The following KIAA0930 variants were observed in gnomAD, a reference collection of about 807,000 sequenced individuals.
KIAA0930 encodes KIAA0930, also known as uncharacterized protein KIAA0930.
In KIAA0930, 24 loss-of-function variants were observed where a neutral mutation model predicts 43.9. The observed-to-expected ratio is 0.55, with a 90% CI of 0.40 to 0.77. KIAA0930 has a LOEUF of 0.77. KIAA0930 is among the 30% of genes least tolerant of loss of function. The pLI, the probability that KIAA0930 is intolerant of heterozygous loss-of-function variation, is 0.00. For synonymous variants in KIAA0930, 259 were observed against 216.4 expected (o/e 1.20, Z -1.73); for missense variants, 461 against 574.2 (o/e 0.80, Z 2.02).
chr22:45,230,045 G>A (rs573685329), intron 1 of KIAA0930, among the ~76,000 whole-genome samples: 202 of 152,312 alleles, frequency 1.3e-3, no homozygotes, highest in Non-Finnish European at 2.5e-3. Flanking sequence ...GCAGTGAGCC[G>A]AGATTATGCC....
At chr22:45,213,012 G>A (rs1167952414) in intron 1 of KIAA0930, among the ~76,000 whole-genome samples, 1 of 152,162 alleles carries the variant, frequency 6.6e-6, no homozygotes, top group East Asian at 1.9e-4. Context: ...TTTGTTTTCT[G>A]TCTTCCTCAC....
intron 1 of KIAA0930, among the ~76,000 whole-genome samples, chr22:45,217,072 T>C (rs1000564552): frequency 3.9e-5 from 6 of 152,150 alleles, no homozygotes; most frequent in African/African-American, 1.4e-4. Context: ...CAAGACACTT[T>C]ATTTAAGGCC....
intron 1 of KIAA0930, among the ~76,000 whole-genome samples, chr22:45,230,863 AGCCACGTC>A (rs1157373663): frequency 6.6e-6 from 1 of 150,676 alleles, no homozygotes; most frequent in Non-Finnish European, 1.5e-5. Context: ...TACAGGCGTG[AGCCACGTC>A]GCCCAGCCCA....
chr22:45,196,900 G>A lies in KIAA0930; in HGVS notation c.*276C>T. 2.2e-6 allele frequency: 1 copy of A among 451,166 alleles called. No homozygotes were observed. Among genetic ancestry groups the A allele is most frequent in the Non-Finnish European group, 3.9e-6 (1 of 254,844 alleles). 27.9% of individuals were successfully genotyped at this position (451,166 alleles called of 1,614,324 possible). On this transcript the variant is annotated 3_prime_UTR_variant, in exon 10 of 10. Coordinates refer to ENST00000336156, the MANE Select transcript of KIAA0930 (RefSeq NM_001009880.2). This position sits in a 1 kb window ranked among gnomAD's most constrained non-coding sequence, Gnocchi z 4.1. ...CTCTCATGGCCGCTCGGCATCTCTA[G>A]TCCTCTTTGGGTGCAGAGGGCTCTC... is the stretch of plus-strand genomic sequence containing the variant.
rs569372602 is a variant in KIAA0930 at position 45,237,259 on chromosome 22, T to G, written c.64+3381A>C. ...TCCGGGCAGCCGCAGCCCCACTGCT[T>G]CCAGCAGGGTTTGTACTTCAGCTAA... On this transcript the variant is annotated intron_variant, in intron 1 of 9. Transcript: ENST00000336156. Among the ~76,000 whole-genome samples the G allele has an allele frequency of 4.6e-5, 7 of 152,364 alleles. No individual in the cohort carries two copies. In the South Asian group the frequency reaches 1.4e-3, roughly 32 times the overall value.
intron 1 of KIAA0930, among the ~76,000 whole-genome samples, chr22:45,239,895 G>A (rs891913625): frequency 6.6e-6 from 1 of 152,088 alleles, no homozygotes; most frequent in Non-Finnish European, 1.5e-5. Context: ...CTGGGCTTCA[G>A]TCTGGGCATG....
intron 1 of KIAA0930, among the ~76,000 whole-genome samples, chr22:45,216,938 C>T (rs1057301314): frequency 5.3e-5 from 8 of 152,296 alleles, no homozygotes; most frequent in Middle Eastern, 3.4e-3. Context: ...TTGAGGCAGC[C>T]GTGAACACTG....
At chr22:45,232,021 G>A (rs975731648) in intron 1 of KIAA0930, among the ~76,000 whole-genome samples, 8 of 152,162 alleles carry the variant, frequency 5.3e-5, no homozygotes, top group Non-Finnish European at 1.0e-4. Context: ...ACAGGCACAA[G>A]GGTCTTGAAT....
Position 45,226,274 on chromosome 22 carries a change from TAC to T in KIAA0930, c.65-14169_65-14168del, listed in dbSNP as rs752451069. On this transcript the variant is annotated intron_variant, in intron 1 of 9. Transcript: ENST00000336156. ...ATGTGTGACCACCTAACAGCCATTT[TAC>T]AGTTAAGGAAACCGAGACCTTCAAG... is the stretch of plus-strand genomic sequence containing the variant. The T allele has an allele frequency of 1.5e-4, 71 of 471,202 alleles. 1 individual carries two copies. The highest frequency in any genetic ancestry group is 1.1e-3 in the South Asian group (71 of 64,576). 29.2% of individuals were successfully genotyped at this position (471,202 alleles called of 1,614,324 possible). A position where few individuals can be genotyped will look rare whatever the true frequency, so the allele number is the denominator to read the frequency against.
chr22:45,239,836 T>C (rs1430580014), intron 1 of KIAA0930, among the ~76,000 whole-genome samples: 3 of 151,824 alleles, frequency 2.0e-5, no homozygotes, highest in Non-Finnish European at 2.9e-5. Flanking sequence ...GAGGGGTCTT[T>C]TCCATGGAGA....
In KIAA0930 at chr22:45,192,487, A is replaced by C. The variant is rs2083497796; in HGVS notation, c.*4689T>G. The C allele has an allele frequency of 6.6e-6, 1 of 152,238 alleles. No individual in the cohort carries two copies. Among genetic ancestry groups the C allele is most frequent in the Non-Finnish European group, 1.5e-5 (1 of 68,046 alleles). The allele number at this position is 152,238 out of a possible 1,614,324, so 9.4% of individuals were successfully genotyped here. A position where few individuals can be genotyped will look rare whatever the true frequency, so the allele number is the denominator to read the frequency against. ...TGCTAAAATACATGTTGTAGAAGTC[A>C]TAATTCATAGTGAAGAATCTCAACA... On this transcript the variant is annotated 3_prime_UTR_variant, in exon 10 of 10. Coordinates refer to ENST00000336156, the MANE Select transcript of KIAA0930 (RefSeq NM_001009880.2).
rs1255323987 is a variant in KIAA0930, at chr22:45,213,446, G to A, written c.65-1339C>T. On this transcript the variant is annotated intron_variant, in intron 1 of 9. Coordinates refer to ENST00000336156, the MANE Select transcript of KIAA0930 (RefSeq NM_001009880.2). ...CAGCCTCCAGGGGTGAGGGCCAGGA[G>A]AGCCCACGGGACTGGCAAGACCTCC... 7 of 1,273,444 alleles carry A rather than the reference G, an allele frequency of 5.5e-6. No individual in the cohort carries two copies. In the South Asian group the frequency reaches 6.5e-5, roughly 12 times the overall value. 78.9% of individuals were successfully genotyped at this position (1,273,444 alleles called of 1,614,324 possible).
chr22:45,210,892 A>T (rs954343537), intron 2 of KIAA0930, among the ~76,000 whole-genome samples: 1 of 149,680 alleles, frequency 6.7e-6, no homozygotes, highest in African/African-American at 2.5e-5. Flanking sequence ...GGCCCTTCAG[A>T]CACTGCACCC....
chr22:45,202,969 C>G (rs747460442), intron 7 of KIAA0930, 21 bp downstream of exon 7: 1 of 1,568,058 alleles, frequency 6.4e-7, no homozygotes, highest in African/African-American at 1.4e-5. Flanking sequence ...GAGCCCCCGC[C>G]CCCAGCTGTG....
intron 2 of KIAA0930, among the ~76,000 whole-genome samples, chr22:45,210,089 G>T (rs1253451605): frequency 6.6e-6 from 1 of 152,136 alleles, no homozygotes; most frequent in Non-Finnish European, 1.5e-5. Flanking sequence ...GACCAGAGTC[G>T]TGACCTCTCT....
chr22:45,202,954 G>T (rs1277772791), intron 7 of KIAA0930, 36 bp downstream of exon 7: 6 of 1,540,840 alleles, frequency 3.9e-6, no homozygotes, highest in Non-Finnish European at 4.4e-6. Flanking sequence ...GAACTTGACG[G>T]ATGGGAGCCC....
Position 45,197,800 on chromosome 22 carries a change from C to G in KIAA0930, c.1164G>C (p.Arg388=). 3.7e-6 allele frequency: 6 copies of G among 1,614,176 alleles called. No homozygotes were observed. Among genetic ancestry groups the G allele is most frequent in the Non-Finnish European group, 5.1e-6 (6 of 1,180,012 alleles). The part of the protein sequence containing the change: ...HLTYVTLPLH[R]ILTDILEVRQ... ...ATCCGCCAGCATTACCTGTTAAAAT[C>G]CGATGCAGCGGCAACGTGACGTAGG... Residue 388 remains arginine, a synonymous_variant, in exon 9 of 10, where the codon CGG becomes CGC. Transcript: ENST00000336156.
intron 1 of KIAA0930, among the ~76,000 whole-genome samples, chr22:45,237,837 G>A (rs1046653290): frequency 2.0e-5 from 3 of 152,150 alleles, no homozygotes; most frequent in Non-Finnish European, 4.4e-5. Context: ...CACCTGAGAG[G>A]TGAGAGGTGC....
chr22:45,197,036 CGGGAGTCGAGT>C lies in KIAA0930; in HGVS notation c.*129_*139del. 1 of 685,394 alleles carries C rather than the reference CGGGAGTCGAGT, an allele frequency of 1.5e-6. No homozygotes were observed. Among genetic ancestry groups the C allele is most frequent in the Non-Finnish European group, 2.4e-6 (1 of 423,046 alleles). The allele number at this position is 685,394 out of a possible 1,614,324, so 42.5% of individuals were successfully genotyped here. A position where few individuals can be genotyped will look rare whatever the true frequency, so the allele number is the denominator to read the frequency against. Reference sequence around the variant, plus strand: ...GTGTTCGTGGAGTCGGCCCCGGCCCCGGGAGTCGAGTGGCCTCGCCTGGCTGCGGCTCCAGC... The same window carrying C: ...GTGTTCGTGGAGTCGGCCCCGGCCCCGGCCTCGCCTGGCTGCGGCTCCAGC... On this transcript the variant is annotated 3_prime_UTR_variant, in exon 10 of 10. Transcript: ENST00000336156.
Sources: allele counts gnomAD v4.1 joint callset (sites outside exome capture counted in the v4.1 genomes callset), GRCh38; gene constraint gnomAD v4.1.1; non-coding constraint Gnocchi (gnomAD v3.1); transcripts MANE v1.5; gene names NCBI Gene and HGNC (gene_info 2026-07-23, HGNC 2026-07-21).